PTGES2: variants seen among roughly 807,000 people sequenced by gnomAD.
The protein encoded by PTGES2 is GATE-binding factor 1.
PTGES2 carries 35 observed loss-of-function variants against 44.5 expected under a neutral mutation model. The ratio of observed to expected loss-of-function variants is 0.79; its 90% confidence interval spans 0.60 to 1.04. The LOEUF is 1.04. Ranked by LOEUF, PTGES2 falls within the 50% of genes least tolerant of loss-of-function variation. The pLI is 0.00. For missense variants in PTGES2, 517 were observed against 521.4 expected (o/e 0.99, Z 0.08); for synonymous variants, 221 against 227.5 (o/e 0.97, Z 0.26).
rs766594205 is a variant in PTGES2 at position 128,122,363 on chromosome 9, A to T, written c.1004T>A (p.Leu335Ter). The T allele has an allele frequency of 6.2e-7, 1 of 1,613,348 alleles. No individual in the cohort carries two copies. The highest frequency in any genetic ancestry group is 1.3e-5 in the African/African-American group (1 of 75,034). ...MGGQKPNLAD[L>*]AVYGVLRVME... is the part of the protein sequence containing the mutation. ...ACCACCTGCCACCACCACACTCACC[A>T]AATCAGCGAGATTCGGCTTCTGGCC... Residue 335 changes from leucine to a stop codon, truncating the protein, a stop_gained and splice_region_variant, in exon 6 of 7, where the codon TTG (leucine) becomes TAG (stop). Coordinates refer to ENST00000338961, the MANE Select transcript of PTGES2 (RefSeq NM_025072.7). LOFTEE classifies it high-confidence loss of function.
chr9:128,122,651 G>A (rs1391951233), intron 5 of PTGES2, 172 bp from the exon 6 acceptor site: 6 of 647,248 alleles, frequency 9.3e-6, no homozygotes, highest in Non-Finnish European at 1.6e-5. Context: ...GGGAGGCTGT[G>A]GTAAAGGCAA....
chr9:128,127,833 T>G (rs1045693002), upstream of PTGES2: 1 of 1,018,076 alleles, frequency 9.8e-7, no homozygotes, highest in Non-Finnish European at 1.3e-6. Flanking sequence ...AGGGCGACGC[T>G]AAGGGAACCC....
Position 128,123,117 on chromosome 9 carries a change from C to T in PTGES2, c.704G>A (p.Arg235Gln), listed in dbSNP as rs868130189. 5.6e-6 allele frequency: 9 copies of T among 1,610,682 alleles called. No homozygotes were observed. In the East Asian group the frequency reaches 6.7e-5, roughly 12 times the overall value. Residue 235 changes from arginine to glutamine, a missense_variant, in exon 5 of 7, where the codon CGG (arginine) becomes CAG (glutamine). Transcript: ENST00000338961. This position sits in a 1 kb window ranked among gnomAD's most constrained non-coding sequence, Gnocchi z 4.4. ...CACCAGCCAGTCGTCCGCCCACTGC[C>T]GCCACTTCATCTCCTCCCTGCGGGC... Reference protein sequence around the residue: ...KEARTEEMKWRQWADDWLVHL... With the variant: ...KEARTEEMKWQQWADDWLVHL...
intron 2 of PTGES2, 177 bp from the exon 3 acceptor site, chr9:128,124,727 A>C: frequency 7.5e-7 from 1 of 1,334,724 alleles, no homozygotes; most frequent in Non-Finnish European, 9.8e-7. Flanking sequence ...GTTGTGGCCA[A>C]TGGGGAGGAA....
chr9:128,124,481 G>A lies in PTGES2; in HGVS notation c.536+11C>T, dbSNP rs373324069. The A allele has an allele frequency of 2.6e-5, 42 of 1,613,016 alleles. No individual in the cohort carries two copies. Among genetic ancestry groups the A allele is most frequent in the Non-Finnish European group, 3.6e-5 (42 of 1,179,434 alleles). On this transcript the variant is annotated intron_variant, in intron 3 of 6. Transcript: ENST00000338961. ...AAGCAATGGCCACCTGGTCTCCGAG[G>A]GGCTCCTTACCCCGACACCAGGTAG...
chr9:128,122,859 G>A lies in PTGES2; in HGVS notation c.887+75C>T. 8 of 1,495,826 alleles carry A rather than the reference G, an allele frequency of 5.3e-6. No individual in the cohort carries two copies. In the Admixed American group the frequency reaches 8.4e-5, roughly 16 times the overall value. 92.7% of individuals were successfully genotyped at this position (1,495,826 alleles called of 1,614,324 possible). On this transcript the variant is annotated intron_variant, in intron 5 of 6. Transcript: ENST00000338961. ...CGGCCTCCCGCTGGTCTCCTGAGGG[G>A]TGTGATGGGATCACCACTGCTCGTG...
chr9:128,127,921 AACGTTTGCAG>A, upstream of PTGES2: 1 of 447,044 alleles, frequency 2.2e-6, no homozygotes, highest in Non-Finnish European at 3.7e-6. Context: ...CCCGCTCGGG[AACGTTTGCAG>A]ACCGTTCCAT....
upstream of PTGES2, chr9:128,128,359 C>T (rs553677074): frequency 2.2e-6 from 1 of 456,256 alleles, no homozygotes; most frequent in Non-Finnish European, 4.4e-6. Flanking sequence ...CCAGGCTGCT[C>T]GGTCCTTCTG....
chr9:128,126,485 G>A (rs1021651081), intron 1 of PTGES2, among the ~76,000 whole-genome samples: 55 of 152,180 alleles, frequency 3.6e-4, no homozygotes, highest in Non-Finnish European at 4.4e-5. Context: ...GCAGTGGGGA[G>A]AGAGGATGAT....
At position 128,124,525 on chromosome 9, in the gene PTGES2, A is replaced by T. The variant is rs750033957; in HGVS notation, c.503T>A (p.Ile168Asn). 6.2e-7 allele frequency: 1 copy of T among 1,613,674 alleles called. No individual in the cohort carries two copies. Among genetic ancestry groups the T allele is most frequent in the Admixed American group, 1.7e-5 (1 of 60,008 alleles). The change falls in exon 3 of 7, where the codon ATC becomes AAC. Residue 168 changes from isoleucine (I) to asparagine (N), a missense_variant. By Grantham distance (149) the Ile-to-Asn change is moderately radical (BLOSUM62 -3). Transcript: ENST00000338961. ...CAGGTAGGTCTTGAGGGCGCTGATG[A>T]TGACAGAGGAGTCATTTAGTTGTTG... is the stretch of plus-strand genomic sequence containing the variant. ...SSQQLNDSSVIISALKTYLVS... is the reference protein window; with the variant it reads ...SSQQLNDSSVNISALKTYLVS...
At position 128,123,087 on chromosome 9, in the gene PTGES2, A is replaced by G. The variant is rs758625534; in HGVS notation, c.734T>C (p.Leu245Pro). Residue 245 changes from leucine to proline, a missense_variant, in exon 5 of 7, where the codon CTG (leucine) becomes CCG (proline). By Grantham distance (98) the Leu-to-Pro change is moderately conservative (BLOSUM62 -3). Coordinates refer to ENST00000338961, the MANE Select transcript of PTGES2 (RefSeq NM_025072.7). This position sits in a 1 kb window ranked among gnomAD's most constrained non-coding sequence, Gnocchi z 4.4. ...CGTGCGGTACACATTGGGGGAGATC[A>G]GGTGCACCAGCCAGTCGTCCGCCCA... ...RQWADDWLVH[L>P]ISPNVYRTPT... 1.9e-6 allele frequency: 3 copies of G among 1,612,090 alleles called. No individual in the cohort carries two copies. The highest frequency in any genetic ancestry group is 2.5e-6 in the Non-Finnish European group (3 of 1,179,966).
chr9:128,128,079 C>T (rs1371113758), upstream of PTGES2: 7 of 354,902 alleles, frequency 2.0e-5, no homozygotes, highest in Admixed American at 2.2e-4. Flanking sequence ...TACGGGCGCC[C>T]ATTCAAAACA....
intron 6 of PTGES2, among the ~76,000 whole-genome samples, chr9:128,122,098 TG>T (rs1834432068): frequency 6.6e-6 from 1 of 152,174 alleles, no homozygotes. Flanking sequence ...GCTTGGGCTC[TG>T]GTAACACCAC....
upstream of PTGES2, chr9:128,127,840 A>G (rs115079063): frequency 8.0e-3 from 7,799 of 970,610 alleles, 35 homozygotes; most frequent in Non-Finnish European, 9.4e-3. Flanking sequence ...CGCTAAGGGA[A>G]CCCTCAGCGC....
At chr9:128,127,217 C>G (rs1223754352) in intron 1 of PTGES2, among the ~76,000 whole-genome samples, 2 of 60,336 alleles carry the variant, frequency 3.3e-5, no homozygotes, top group African/African-American at 8.9e-5. Flanking sequence ...AAAAAAACCA[C>G]GGTAGAAGAA....
chr9:128,121,307 G>A (rs1834402994), intron 6 of PTGES2, 34 bp from the exon 7 acceptor site: 3 of 1,589,768 alleles, frequency 1.9e-6, no homozygotes, highest in South Asian at 1.1e-5. Context: ...CACCATAGCT[G>A]GTTTGACAGG....
At chr9:128,124,400 C>G (rs1281250226) in intron 3 of PTGES2, 92 bp downstream of exon 3, 1 of 1,129,198 alleles carries the variant, frequency 8.9e-7, no homozygotes, top group Non-Finnish European at 1.3e-6. Context: ...TAAGCAGCAG[C>G]TCCACGTGCT....
intron 2 of PTGES2, chr9:128,124,929 T>A (rs1478565893): frequency 1.7e-6 from 2 of 1,211,278 alleles, no homozygotes; most frequent in South Asian, 1.8e-5. Flanking sequence ...GCAGAGAGGC[T>A]AAGTGACTTG....
chr9:128,122,593 T>TG, intron 5 of PTGES2, 114 bp from the exon 6 acceptor site: 1 of 851,236 alleles, frequency 1.2e-6, no homozygotes, highest in Non-Finnish European at 1.9e-6. Flanking sequence ...GCACCCCAGG[T>TG]GAGAGCATCA....
Sources: gnomAD v4.1 joint callset for allele counts (sites outside exome capture counted in the v4.1 genomes callset) on GRCh38, gnomAD v4.1.1 for gene constraint, Gnocchi (gnomAD v3.1) non-coding constraint, MANE v1.5 for transcripts, NCBI Gene and HGNC (gene_info 2026-07-23, HGNC 2026-07-21) for gene names.